The following PRKG1 variants were observed in gnomAD, a reference collection of about 807,000 sequenced individuals.
The protein encoded by PRKG1 is protein kinase cGMP-dependent 1.
Under a neutral mutation model 88.1 loss-of-function variants are expected in PRKG1, and 35 were observed. That is an observed-to-expected ratio of 0.40 (90% CI 0.30 to 0.53). PRKG1 has a LOEUF of 0.53. Ranked by LOEUF, PRKG1 falls within the 20% of genes least tolerant of loss-of-function variation. The pLI is 0.59. For synonymous variants in PRKG1, 303 were observed against 292.5 expected, an observed-to-expected ratio of 1.04 and a Z score of -0.37; for missense variants, 540 against 839.8, an observed-to-expected ratio of 0.64 and a Z score of 4.41.
At chr10:51,057,793 G>T (rs1200529322) in intron 1 of PRKG1, among the ~76,000 whole-genome samples, 1 of 151,902 alleles carries the variant, frequency 6.6e-6, no homozygotes, top group Non-Finnish European at 1.5e-5. Flanking sequence ...TGCCAGTTTG[G>T]GATATTATGA....
chr10:51,454,152 G>T (rs1839515188), intron 2 of PRKG1, among the ~76,000 whole-genome samples: 1 of 151,980 alleles, frequency 6.6e-6, no homozygotes, highest in Non-Finnish European at 1.5e-5. Flanking sequence ...CAAATATTGT[G>T]AAAATGACCA....
intron 7 of PRKG1, among the ~76,000 whole-genome samples, chr10:52,095,162 C>A (rs1847144259): frequency 6.6e-6 from 1 of 152,168 alleles, no homozygotes; most frequent in Admixed American, 6.6e-5. Context: ...CTTGCTGATT[C>A]TTAAACATAC....
intron 7 of PRKG1, among the ~76,000 whole-genome samples, chr10:52,067,777 A>T (rs184295083): frequency 7.9e-5 from 12 of 152,014 alleles, no homozygotes; most frequent in African/African-American, 2.9e-4. Context: ...AGAGGGTAAA[A>T]TGTTTACTTT....
chr10:51,566,094 C>T (rs1160781971), intron 3 of PRKG1, among the ~76,000 whole-genome samples: 2 of 151,986 alleles, frequency 1.3e-5, no homozygotes, highest in Non-Finnish European at 2.9e-5. Context: ...CACTATAATA[C>T]CAGAAACAAG....
At chr10:51,944,206 T>A (rs1359165000) in intron 5 of PRKG1, among the ~76,000 whole-genome samples, 1 of 152,092 alleles carries the variant, frequency 6.6e-6, no homozygotes, top group Non-Finnish European at 1.5e-5. Context: ...TTGAGGAATT[T>A]ATCCATTTCT....
At chr10:52,266,334 G>T (rs1841569096) in intron 10 of PRKG1, among the ~76,000 whole-genome samples, 2 of 151,906 alleles carry the variant, frequency 1.3e-5, no homozygotes, top group South Asian at 4.2e-4. Context: ...AAGTCAGCAT[G>T]CATTAGTTAT....
intron 3 of PRKG1, among the ~76,000 whole-genome samples, chr10:51,642,883 T>A (rs1839833907): frequency 6.6e-6 from 1 of 152,210 alleles, no homozygotes; most frequent in Non-Finnish European, 1.5e-5. Context: ...ATTAGTTATC[T>A]TCAATCCAAA....
chr10:52,131,174 C>T (rs192237175), intron 7 of PRKG1, among the ~76,000 whole-genome samples: 1 of 152,260 alleles, frequency 6.6e-6, no homozygotes, highest in Admixed American at 6.5e-5. Context: ...TGTGCCATAA[C>T]TGCTTTAAAC....
At chr10:51,715,515 T>C (rs572272105) in intron 3 of PRKG1, among the ~76,000 whole-genome samples, 2 of 152,302 alleles carry the variant, frequency 1.3e-5, no homozygotes, top group South Asian at 2.1e-4. Context: ...TTACTATGAT[T>C]ATATTCAAGT....
At chr10:51,728,976 T>C (rs1358962248) in intron 3 of PRKG1, among the ~76,000 whole-genome samples, 1 of 152,220 alleles carries the variant, frequency 6.6e-6, no homozygotes, top group African/African-American at 2.4e-5. Context: ...TTTCTGAAAC[T>C]AAGTTATGAT....
chr10:51,558,029 C>T (rs1054333861), intron 3 of PRKG1, among the ~76,000 whole-genome samples: 1 of 152,028 alleles, frequency 6.6e-6, no homozygotes, highest in Non-Finnish European at 1.5e-5. Context: ...TACATTTGTA[C>T]TGAAAATAAT....
chr10:51,524,204 C>A (rs964149080), intron 3 of PRKG1, among the ~76,000 whole-genome samples: 2 of 152,158 alleles, frequency 1.3e-5, no homozygotes, highest in Non-Finnish European at 2.9e-5. Context: ...GCCTGTGGAA[C>A]CATGAGTCAA....
chr10:51,170,086 G>T (rs1846661956), intron 2 of PRKG1, among the ~76,000 whole-genome samples: 1 of 151,980 alleles, frequency 6.6e-6, no homozygotes, highest in African/African-American at 2.4e-5. Context: ...TGTCTCTGAA[G>T]TTCCTAACAG....
chr10:51,939,987 G>C (rs1211919748), intron 5 of PRKG1, among the ~76,000 whole-genome samples: 1 of 151,758 alleles, frequency 6.6e-6, no homozygotes, highest in Non-Finnish European at 1.5e-5. Context: ...TTATATACTT[G>C]ATTTGTTTCA....
chr10:51,570,575 A>G (rs1161732804), intron 3 of PRKG1, among the ~76,000 whole-genome samples: 1 of 151,932 alleles, frequency 6.6e-6, no homozygotes, highest in Non-Finnish European at 1.5e-5. Context: ...AGGTGTTTTC[A>G]AAGGTTAACT....
At chr10:52,279,368 T>A (rs1841948934) in intron 12 of PRKG1, among the ~76,000 whole-genome samples, 1 of 152,060 alleles carries the variant, frequency 6.6e-6, no homozygotes, top group African/African-American at 2.4e-5. Context: ...GATTCAGGAG[T>A]CATGGTAATT....
intron 3 of PRKG1, among the ~76,000 whole-genome samples, chr10:51,588,873 T>G (rs904243373): frequency 6.6e-6 from 1 of 152,050 alleles, no homozygotes; most frequent in Non-Finnish European, 1.5e-5. Context: ...TGCCTTTTGA[T>G]AGTAGTCCAA....
At chr10:51,821,130 T>C (rs1285942394) in intron 4 of PRKG1, among the ~76,000 whole-genome samples, 2 of 152,188 alleles carry the variant, frequency 1.3e-5, no homozygotes, top group African/African-American at 4.8e-5. Context: ...GTCTGGTTTC[T>C]TTTGCTAAAC....
intron 4 of PRKG1, among the ~76,000 whole-genome samples, chr10:51,900,520 C>A (rs1278841169): frequency 6.6e-6 from 1 of 152,086 alleles, no homozygotes; most frequent in Non-Finnish European, 1.5e-5. Flanking sequence ...CTGAGTTATG[C>A]AAAATTTCCA....
Sources: gnomAD v4.1 joint callset for allele counts (sites outside exome capture counted in the v4.1 genomes callset) on GRCh38, gnomAD v4.1.1 for gene constraint, MANE v1.5 for transcripts, NCBI Gene and HGNC (gene_info 2026-07-23, HGNC 2026-07-21) for gene names.